The following ADAM9 variants were observed in gnomAD, a reference collection of about 807,000 sequenced individuals.
ADAM9 encodes disintegrin and metalloproteinase domain-containing protein 9.
ADAM9 carries 54 observed loss-of-function variants against 108.1 expected under a neutral mutation model. The observed-to-expected ratio is 0.50, with a 90% CI of 0.40 to 0.63. The LOEUF (loss-of-function observed/expected upper bound fraction) is 0.63, where lower values mean the gene tolerates loss of function less well. Among genes scored for constraint, ADAM9 ranks in the 20% least tolerant of loss-of-function variants. The probability of loss-of-function intolerance (pLI) is 0.00; values close to 1 mark genes in which losing one functional copy is unlikely to be tolerated. For missense variants in ADAM9, 830 were observed against 997.7 expected (o/e 0.83, Z 2.26); for synonymous variants, 316 against 336.0 (o/e 0.94, Z 0.65).
intron 20 of ADAM9, among the ~76,000 whole-genome samples, chr8:39,096,953 T>C (rs1223753269): frequency 6.6e-6 from 1 of 152,210 alleles, no homozygotes; most frequent in African/African-American, 2.4e-5. Context: ...ATCATTATGA[T>C]GGTAATTTTT....
chr8:39,045,099 TGTGTGC>T lies in ADAM9; in HGVS notation c.1302+2983_1302+2988del, dbSNP rs1564297269. Among the ~76,000 whole-genome samples the T allele has an allele frequency of 1.5e-3, 51 of 34,278 alleles. 9 individuals carry two copies. The East Asian group carries it at 0.034, about 23-fold the overall frequency. 22.5% of individuals were successfully genotyped at this position (34,278 alleles called of 152,430 possible). On this transcript the variant is annotated intron_variant, in intron 12 of 21. Transcript: ENST00000487273. Reference sequence around the variant, plus strand: ...GTGTGTGTGCATACATACATATGTGTGTGTGCATACATACATATGTGTGTGTGCATA... The same window carrying T: ...GTGTGTGTGCATACATACATATGTGTATACATACATATGTGTGTGTGCATA...
At chr8:39,018,095 T>C (rs918386178) in intron 6 of ADAM9, among the ~76,000 whole-genome samples, 3 of 152,218 alleles carry the variant, frequency 2.0e-5, no homozygotes, top group African/African-American at 7.2e-5. Flanking sequence ...TGATTTACTC[T>C]TGACATGGGT....
intron 12 of ADAM9, among the ~76,000 whole-genome samples, chr8:39,047,928 A>G (rs1429250219): frequency 7.5e-6 from 1 of 133,230 alleles, no homozygotes; most frequent in African/African-American, 2.8e-5. Context: ...CTTTCCTTGT[A>G]TTTTTTTTTT....
At chr8:39,080,115 G>A (rs1314431263) in intron 16 of ADAM9, among the ~76,000 whole-genome samples, 1 of 151,618 alleles carries the variant, frequency 6.6e-6, no homozygotes, top group Non-Finnish European at 1.5e-5. Context: ...TTTGTGTGTG[G>A]GGTGTGTGTG....
At chr8:39,080,859 G>A (rs1838998483) in intron 16 of ADAM9, among the ~76,000 whole-genome samples, 2 of 151,664 alleles carry the variant, frequency 1.3e-5, no homozygotes, top group African/African-American at 4.8e-5. Flanking sequence ...TGCTCTACTT[G>A]CTGCGTGGTG....
In ADAM9 at chr8:39,007,917, T is replaced by C; in HGVS notation, c.129T>C (p.Tyr43=). ...GFQQTSHLSS[Y]EIITPWRLTR... ...AACAGACCTCACATCTTTCTTCTTATGAAATTATAACTCCTTGGAGATTAA... is the reference window on the plus strand; with the variant it reads ...AACAGACCTCACATCTTTCTTCTTACGAAATTATAACTCCTTGGAGATTAA... Residue 43 remains tyrosine, a synonymous_variant, in exon 2 of 22, where the codon TAT becomes TAC. Coordinates refer to ENST00000487273, the MANE Select transcript of ADAM9 (RefSeq NM_003816.3). 4 of 1,612,472 alleles carry C rather than the reference T, an allele frequency of 2.5e-6. No individual in the cohort carries two copies. Among genetic ancestry groups the C allele is most frequent in the Non-Finnish European group, 3.4e-6 (4 of 1,179,242 alleles).
chr8:39,044,297 C>A (rs908653973), intron 12 of ADAM9, among the ~76,000 whole-genome samples: 1 of 152,108 alleles, frequency 6.6e-6, no homozygotes, highest in South Asian at 2.1e-4. Flanking sequence ...CAATTTCATT[C>A]TTTTGCATGT....
At chr8:39,066,800 G>T (rs12156418) in intron 14 of ADAM9, among the ~76,000 whole-genome samples, 1 of 151,890 alleles carries the variant, frequency 6.6e-6, no homozygotes, top group East Asian at 1.9e-4. Flanking sequence ...CATTGCTTTT[G>T]GTGTTTTAGA....
At chr8:39,076,646 G>A (rs902439522) in intron 15 of ADAM9, among the ~76,000 whole-genome samples, 1 of 152,128 alleles carries the variant, frequency 6.6e-6, no homozygotes, top group Non-Finnish European at 1.5e-5. Flanking sequence ...GATATAGGAA[G>A]GGCATTTAAT....
intron 12 of ADAM9, among the ~76,000 whole-genome samples, chr8:39,054,145 T>G (rs889362613): frequency 6.6e-6 from 1 of 152,132 alleles, no homozygotes; most frequent in Non-Finnish European, 1.5e-5. Flanking sequence ...CACTAGAAAC[T>G]GAACTAGTAG....
chr8:39,086,346 C>A (rs1216589671), intron 18 of ADAM9, among the ~76,000 whole-genome samples: 4 of 152,010 alleles, frequency 2.6e-5, no homozygotes, highest in Non-Finnish European at 5.9e-5. Context: ...ATTCCTTATT[C>A]TCCATGTTTA....
At chr8:39,078,522 C>T (rs993438858) in intron 16 of ADAM9, among the ~76,000 whole-genome samples, 6 of 152,158 alleles carry the variant, frequency 3.9e-5, no homozygotes, top group Non-Finnish European at 8.8e-5. Flanking sequence ...TGGCTCATGC[C>T]TGTAATCCCA....
chr8:39,045,365 T>TGA (rs1174923004), intron 12 of ADAM9, among the ~76,000 whole-genome samples: 1 of 108,292 alleles, frequency 9.2e-6, no homozygotes, highest in African/African-American at 3.5e-5. Context: ...TACATATAGG[T>TGA]GTGTGTACAT....
intron 1 of ADAM9, among the ~76,000 whole-genome samples, chr8:39,002,315 T>TG (rs1200208915): frequency 7.4e-6 from 1 of 134,840 alleles, no homozygotes; most frequent in Non-Finnish European, 1.6e-5. Flanking sequence ...TAGAATTCTT[T>TG]TTTTTTTTTT....
chr8:39,061,311 AATTATGC>A (rs928070367), intron 14 of ADAM9, among the ~76,000 whole-genome samples: 12 of 152,124 alleles, frequency 7.9e-5, no homozygotes, highest in African/African-American at 2.2e-4. Context: ...TGTCTGTTTC[AATTATGC>A]ATTCTGGAAT....
At chr8:39,021,171 A>G (rs1188429862) in intron 7 of ADAM9, among the ~76,000 whole-genome samples, 1 of 152,228 alleles carries the variant, frequency 6.6e-6, no homozygotes, top group African/African-American at 2.4e-5. Flanking sequence ...TCCTGTCACT[A>G]CAATGTAACC....
chr8:39,045,219 C>CATATGTGT (rs776063093), intron 12 of ADAM9, among the ~76,000 whole-genome samples: 1 of 121,352 alleles, frequency 8.2e-6, no homozygotes, highest in African/African-American at 3.7e-5. Context: ...TGTATACATA[C>CATATGTGT]ATATATGTGT....
intron 14 of ADAM9, among the ~76,000 whole-genome samples, chr8:39,066,745 CTTTAG>C (rs1838491194): frequency 6.6e-6 from 1 of 152,166 alleles, no homozygotes; most frequent in Admixed American, 6.5e-5. Flanking sequence ...TGCAGAAGCT[CTTTAG>C]TTTAATTAGA....
At chr8:39,009,132 T>C (rs961730320) in intron 2 of ADAM9, among the ~76,000 whole-genome samples, 6 of 152,200 alleles carry the variant, frequency 3.9e-5, no homozygotes, top group African/African-American at 1.2e-4. Flanking sequence ...CTAGTTGGGT[T>C]GGTCACTCAA....
Sources: gnomAD v4.1 joint callset for allele counts (sites outside exome capture counted in the v4.1 genomes callset) on GRCh38, gnomAD v4.1.1 for gene constraint, MANE v1.5 for transcripts, NCBI Gene and HGNC (gene_info 2026-07-23, HGNC 2026-07-21) for gene names.